Variants in WLS observed in about 807,000 individuals in gnomAD.
The protein encoded by WLS is Wnt ligand secretion mediator, also known as protein wntless homolog.
In WLS, 23 loss-of-function variants were observed where a neutral mutation model predicts 62.8. The observed-to-expected ratio is 0.37, with a 90% CI of 0.26 to 0.52. The LOEUF (loss-of-function observed/expected upper bound fraction) is 0.52, where lower values mean the gene tolerates loss of function less well. Ranked by LOEUF, WLS falls within the 20% of genes least tolerant of loss-of-function variation. The pLI is 0.92. For missense variants in WLS, 615 were observed against 697.3 expected (o/e 0.88, Z 1.33); for synonymous variants, 246 against 244.1 (o/e 1.01, Z -0.07).
chr1:68,132,163 T>A (rs573551057), intron 11 of WLS, among the ~76,000 whole-genome samples: 1 of 152,130 alleles, frequency 6.6e-6, no homozygotes, highest in Admixed American at 6.5e-5. Flanking sequence ...AAAGGTCAGG[T>A]CACTGGCACA....
intron 2 of WLS, among the ~76,000 whole-genome samples, chr1:68,160,257 T>C (rs1309508786): frequency 4.6e-5 from 7 of 152,184 alleles, no homozygotes; most frequent in Non-Finnish European, 1.5e-5. Flanking sequence ...CAGGTCCAGG[T>C]CATTTTGCTT....
chr1:68,137,656 G>T lies in WLS; in HGVS notation c.1516+124C>A, dbSNP rs1045809615. On this transcript the variant is annotated intron_variant, in intron 11 of 11. Coordinates refer to ENST00000262348, the MANE Select transcript of WLS (RefSeq NM_024911.7). ...CTGGGTGCTCATTCACCGTCTCCCA[G>T]TGTGAGGAGTATACTTGGAGGGAAA... 3.5e-6 allele frequency: 4 copies of T among 1,131,158 alleles called. No individual in the cohort carries two copies. In the East Asian group the frequency reaches 9.8e-5, roughly 28 times the overall value. 70.1% of individuals were successfully genotyped at this position (1,131,158 alleles called of 1,614,324 possible). A position where few individuals can be genotyped will look rare whatever the true frequency, so the allele number is the denominator to read the frequency against.
At chr1:68,184,190 A>T (rs1365007157) in intron 2 of WLS, among the ~76,000 whole-genome samples, 1 of 152,160 alleles carries the variant, frequency 6.6e-6, no homozygotes, top group East Asian at 1.9e-4. Flanking sequence ...CAGCTTATAG[A>T]TTTGAAAGCT....
intron 11 of WLS, among the ~76,000 whole-genome samples, chr1:68,101,838 C>G (rs1168088949): frequency 6.6e-6 from 1 of 152,182 alleles, no homozygotes; most frequent in Non-Finnish European, 1.5e-5. Flanking sequence ...AATGATAAAA[C>G]TTCATAGTTA....
At position 68,135,825 on chromosome 1, in the gene WLS, C is replaced by T. The variant is rs145687155; in HGVS notation, c.1516+1955G>A. Reference sequence around the variant, plus strand: ...TTGCTGCTCGTGTTGTGGAAGCCCACTGCTTGACAGGCTGAATGCTCCCAT... The same window carrying T: ...TTGCTGCTCGTGTTGTGGAAGCCCATTGCTTGACAGGCTGAATGCTCCCAT... On this transcript the variant is annotated intron_variant, in intron 11 of 11. Coordinates refer to ENST00000262348, the MANE Select transcript of WLS (RefSeq NM_024911.7). Among the ~76,000 whole-genome samples the T allele has an allele frequency of 1.1e-3, 161 of 152,280 alleles. 5 individuals are homozygous for T. In the East Asian group the frequency reaches 0.03, roughly 28 times the overall value.
Position 68,098,818 on chromosome 1 carries a change from G to A in WLS, c.1511-65C>T, listed in dbSNP as rs1557437695. 8.4e-6 allele frequency: 13 copies of A among 1,551,090 alleles called. 1 individual carries two copies. The highest frequency in any genetic ancestry group is 1.2e-5 in the South Asian group (1 of 83,502). On this transcript the variant is annotated intron_variant, in intron 11 of 11. Coordinates refer to the WLS transcript ENST00000354777. ...CTTTTAAAAAAATATGTAACATGGA[G>A]TTTAGGACCAAGGCTCAGGTAACTA...
chr1:68,191,523 T>G (rs2100596717), intron 2 of WLS, among the ~76,000 whole-genome samples: 1 of 152,346 alleles, frequency 6.6e-6, no homozygotes, highest in East Asian at 1.9e-4. Flanking sequence ...ATGTTTTTTC[T>G]TATTTGTAGG....
intron 11 of WLS, among the ~76,000 whole-genome samples, chr1:68,106,750 G>GTA (rs60337090): frequency 1.4e-5 from 2 of 138,830 alleles, no homozygotes; most frequent in African/African-American, 3.3e-5. Flanking sequence ...GTGTGTGTGT[G>GTA]TATGTGTGGG....
At chr1:68,149,961 C>T (rs1646804003) in intron 6 of WLS, among the ~76,000 whole-genome samples, 4 of 152,206 alleles carry the variant, frequency 2.6e-5, no homozygotes, top group African/African-American at 9.7e-5. Context: ...AGATGAGGGA[C>T]CCGAGATTCA....
intron 2 of WLS, among the ~76,000 whole-genome samples, chr1:68,189,251 G>C (rs879484543): frequency 6.6e-6 from 1 of 152,058 alleles, no homozygotes; most frequent in Non-Finnish European, 1.5e-5. Context: ...CAAGAGTAGG[G>C]ATGCTGGCAT....
intron 1 of WLS, among the ~76,000 whole-genome samples, chr1:68,208,228 C>T (rs758133041): frequency 1.3e-5 from 2 of 152,192 alleles, no homozygotes; most frequent in Non-Finnish European, 2.9e-5. Flanking sequence ...ATTATCTTCA[C>T]AAATTATTAT....
chr1:68,211,011 T>G (rs774914325), intron 1 of WLS, among the ~76,000 whole-genome samples: 1 of 152,136 alleles, frequency 6.6e-6, no homozygotes, highest in Non-Finnish European at 1.5e-5. Flanking sequence ...TCCCACTGCT[T>G]TGGCCTAAAG....
chr1:68,208,468 G>A (rs2100641458), intron 1 of WLS, among the ~76,000 whole-genome samples: 1 of 152,300 alleles, frequency 6.6e-6, no homozygotes, highest in Middle Eastern at 3.4e-3. Context: ...AGGGAGAGGG[G>A]GGCGGTTTAC....
chr1:68,162,783 C>CT, intron 2 of WLS: 1 of 1,107,964 alleles, frequency 9.0e-7, no homozygotes, highest in Non-Finnish European at 1.4e-6. Flanking sequence ...CACTGCCTAT[C>CT]TGCACGATCA....
Position 68,120,076 on chromosome 1 carries a change from GCT to G in WLS, c.1510+17702_1510+17703del, listed in dbSNP as rs1197189990. Among the ~76,000 whole-genome samples, 5 of 152,276 alleles carry G rather than the reference GCT, an allele frequency of 3.3e-5. No homozygotes were observed. The East Asian group carries it at 9.7e-4, about 29-fold the overall frequency. ...ACCACCCCTGTGATGCCAGCACATG[GCT>G]CACAGCAGATCTGCATCAGGCGCCT... On this transcript the variant is annotated intron_variant, in intron 11 of 11. Transcript: ENST00000354777.
At chr1:68,128,166 C>T (rs960321790) in intron 11 of WLS, among the ~76,000 whole-genome samples, 1 of 152,184 alleles carries the variant, frequency 6.6e-6, no homozygotes, top group East Asian at 1.9e-4. Context: ...AGCACATCCA[C>T]ATTCATCTGC....
intron 2 of WLS, among the ~76,000 whole-genome samples, chr1:68,173,570 AAAAC>A (rs1647186462): frequency 6.6e-6 from 1 of 152,240 alleles, no homozygotes; most frequent in Non-Finnish European, 1.5e-5. Context: ...AACAACTTCC[AAAAC>A]AAACAGTGCA....
intron 2 of WLS, among the ~76,000 whole-genome samples, chr1:68,168,000 A>C (rs1464463816): frequency 6.6e-6 from 1 of 152,202 alleles, no homozygotes; most frequent in Non-Finnish European, 1.5e-5. Flanking sequence ...TCTCTATACC[A>C]GTTATACTGC....
At chr1:68,143,935 T>C (rs1646719979) in intron 10 of WLS, among the ~76,000 whole-genome samples, 1 of 152,196 alleles carries the variant, frequency 6.6e-6, no homozygotes. Context: ...TTAGATATCA[T>C]AGTCTAGCAA....
Sources: gnomAD v4.1 joint callset for allele counts (sites outside exome capture counted in the v4.1 genomes callset) on GRCh38, gnomAD v4.1.1 for gene constraint, MANE v1.5 for transcripts, NCBI Gene and HGNC (gene_info 2026-07-23, HGNC 2026-07-21) for gene names.